The following ARAP2 variants were observed in gnomAD, a reference collection of about 807,000 sequenced individuals.
ARAP2 encodes the protein arf-GAP with Rho-GAP domain, ANK repeat and PH domain-containing protein 2.
A neutral mutation model predicts 194.5 loss-of-function variants in ARAP2; 148 were observed. The observed-to-expected ratio is 0.76, with a 90% confidence interval of 0.67 to 0.87. The LOEUF is 0.87. Ranked by LOEUF, ARAP2 falls within the 40% of genes least tolerant of loss-of-function variation. ARAP2 has a pLI of 0.00. For synonymous variants in ARAP2, 695 were observed against 683.5 expected, an observed-to-expected ratio of 1.02 and a Z score of -0.26; for missense variants, 2,128 against 1,989.7, an observed-to-expected ratio of 1.07 and a Z score of -1.32.
chr4:36,228,953 T>C lies in ARAP2; in HGVS notation c.534A>G (p.Ile178Met). The stretch of plus-strand genomic sequence containing the variant: ...CAGTCTTCTTTGTAATCAATGATTC[T>C]ATTTTAATATTGTCACTACCAAATA... ...DSLFGSDNIK[I>M]ESLITKKTVD... is the part of the protein sequence containing the mutation. Residue 178 changes from isoleucine (I) to methionine (M), a missense_variant, in exon 2 of 33, where the codon ATA (isoleucine) becomes ATG (methionine). Ile to Met is a conservative substitution (Grantham distance 10). Transcript: ENST00000303965. 1.9e-6 allele frequency: 3 copies of C among 1,614,116 alleles called. No individual in the cohort carries two copies. Among genetic ancestry groups the C allele is most frequent in the South Asian group, 2.2e-5 (2 of 91,078 alleles).
chr4:36,175,678 C>T (rs1351431086), intron 9 of ARAP2, among the ~76,000 whole-genome samples: 9 of 151,912 alleles, frequency 5.9e-5, no homozygotes, highest in Non-Finnish European at 1.3e-4. Context: ...TGTACGTTAA[C>T]GCATAGAAAA....
intron 3 of ARAP2, chr4:36,047,233 C>T (rs1560317244): frequency 2.0e-5 from 3 of 152,272 alleles, no homozygotes; most frequent in African/African-American, 7.2e-5. Flanking sequence ...ACACTCCAAA[C>T]AAAAACAGCT....
chr4:36,186,788 A>T (rs1027482402), intron 8 of ARAP2, among the ~76,000 whole-genome samples: 3 of 152,364 alleles, frequency 2.0e-5, no homozygotes, highest in Non-Finnish European at 4.4e-5. Context: ...ATGAGAGTCT[A>T]ATGCCTGACA....
chr4:36,166,694 A>G (rs892199757), intron 10 of ARAP2, among the ~76,000 whole-genome samples: 16 of 152,004 alleles, frequency 1.1e-4, no homozygotes, highest in African/African-American at 3.9e-4. Context: ...AGTAAGAAAA[A>G]TAAGTATTAA....
chr4:36,182,998 C>T lies in ARAP2; in HGVS notation c.1678+4453G>A, dbSNP rs112305487. Among the ~76,000 whole-genome samples the T allele has an allele frequency of 9.4e-3, 1,430 of 152,204 alleles. 10 individuals are homozygous for T. Among genetic ancestry groups the T allele is most frequent in the Non-Finnish European group, 0.014 (939 of 67,996 alleles). ...ATCAGTCACCCTAAAACCAAGAGAT[C>T]GCCTTTAAAACCAGACTTGGGGCCC... On this transcript the variant is annotated intron_variant, in intron 8 of 32. Transcript: ENST00000303965.
At chr4:36,176,343 A>T (rs544856998) in intron 9 of ARAP2, among the ~76,000 whole-genome samples, 58 of 152,294 alleles carry the variant, frequency 3.8e-4, no homozygotes, top group African/African-American at 1.2e-3. Flanking sequence ...TTCACACTCA[A>T]TTCCTAATAC....
Position 36,212,017 on chromosome 4 carries a change from G to T in ARAP2, c.1133+379C>A, listed in dbSNP as rs1364424934. ...GCCAGTGCTGAAACTCCAATAAAAA[G>T]AATATATTATACTTGTAAAAGTCTG... On this transcript the variant is annotated intron_variant, in intron 5 of 32. Transcript: ENST00000303965. 3.3e-5 allele frequency among the ~76,000 whole-genome samples: 5 copies of T among 151,970 alleles called. No homozygotes were observed. The East Asian group carries it at 9.6e-4, about 29-fold the overall frequency.
At chr4:36,079,538 G>A (rs142879697) in intron 31 of ARAP2, among the ~76,000 whole-genome samples, 1 of 152,196 alleles carries the variant, frequency 6.6e-6, no homozygotes, top group East Asian at 1.9e-4. Flanking sequence ...GACAAGGTTG[G>A]GAAACAAACC....
intron 14 of ARAP2, 52 bp downstream of exon 14, chr4:36,159,279 C>G (rs1733355197): frequency 7.2e-7 from 1 of 1,394,198 alleles, no homozygotes; most frequent in East Asian, 2.6e-5. Flanking sequence ...TGCTTCAGTC[C>G]TTTTACGGAT....
intron 22 of ARAP2, among the ~76,000 whole-genome samples, 184 bp downstream of exon 22, chr4:36,124,678 T>C (rs1723455604): frequency 6.6e-6 from 1 of 151,930 alleles, no homozygotes; most frequent in African/African-American, 2.4e-5. Context: ...TTGAGGACAC[T>C]GTATACAATT....
At chr4:36,020,319 G>C (rs1716689877) in intron 5 of ARAP2, among the ~76,000 whole-genome samples, 3 of 152,208 alleles carry the variant, frequency 2.0e-5, no homozygotes, top group Non-Finnish European at 2.9e-5. Flanking sequence ...GCTGAGGCAG[G>C]AGAATTGCTT....
chr4:36,114,218 T>A lies in ARAP2; in HGVS notation c.4108A>T (p.Lys1370Ter). The part of the protein sequence containing the change: ...ILAIKNIIPT[K>*]GDIWATFEVI... Reference sequence around the variant, plus strand: ...TCAAATGTGGCCCAAATATCACCTTTTGTAGGAATAATATTTTTTATCGCT... The same window carrying A: ...TCAAATGTGGCCCAAATATCACCTTATGTAGGAATAATATTTTTTATCGCT... The change falls in exon 26 of 33, where the codon AAA becomes TAA. Residue 1370 changes from lysine (K) to a stop codon, truncating the protein, a stop_gained. Transcript: ENST00000303965. LOFTEE classifies it high-confidence loss of function. 6.2e-7 allele frequency: 1 copy of A among 1,603,928 alleles called. No individual in the cohort carries two copies. Among genetic ancestry groups the A allele is most frequent in the East Asian group, 2.2e-5 (1 of 44,586 alleles).
exon 8 of ARAP2, chr4:36,015,549 T>C (rs932975812): frequency 6.6e-6 from 1 of 152,250 alleles, no homozygotes; most frequent in African/African-American, 2.4e-5. Flanking sequence ...CATTTTCTTC[T>C]TCACAAGTTA....
At chr4:36,187,919 C>G (rs2109894118) in intron 7 of ARAP2, among the ~76,000 whole-genome samples, 1 of 152,300 alleles carries the variant, frequency 6.6e-6, no homozygotes, top group East Asian at 1.9e-4. Context: ...ATGGTGTTTG[C>G]AGGCATCTGC....
intron 10 of ARAP2, chr4:36,006,546 G>A (rs908740968): frequency 2.0e-5 from 3 of 151,950 alleles, no homozygotes; most frequent in Non-Finnish European, 2.9e-5. Context: ...TAAATCACAG[G>A]GTGTTACAAT....
intron 6 of ARAP2, among the ~76,000 whole-genome samples, chr4:36,199,914 A>G (rs1486891728): frequency 6.6e-6 from 1 of 152,224 alleles, no homozygotes; most frequent in Non-Finnish European, 1.5e-5. Context: ...TTCACAATAT[A>G]TAGGGATATC....
chr4:36,128,508 C>CACACACACA, intron 21 of ARAP2, 25 bp downstream of exon 21: 20 of 771,200 alleles, frequency 2.6e-5, no homozygotes, highest in Non-Finnish European at 3.4e-5. Flanking sequence ...ACACACATAT[C>CACACACACA]TACAAATATC....
In ARAP2 at chr4:36,148,422, T is replaced by C. The variant is rs1288460298; in HGVS notation, c.2983A>G (p.Thr995Ala). 3.1e-6 allele frequency: 5 copies of C among 1,612,698 alleles called. No homozygotes were observed. The highest frequency in any genetic ancestry group is 4.2e-6 in the Non-Finnish European group (5 of 1,179,138). The part of the protein sequence containing the change: ...AETSQAQRKW[T>A]EAIAKHFVPL... ...TTAAATACCTTGGCTATTGCCTCTGTCCATTTTCTTTGAGCTTGAGATGTT... is the reference window on the plus strand; with the variant it reads ...TTAAATACCTTGGCTATTGCCTCTGCCCATTTTCTTTGAGCTTGAGATGTT... The change falls in exon 17 of 33, where the codon ACA becomes GCA. Residue 995 changes from threonine to alanine, a missense_variant. Thr to Ala is a moderately conservative substitution (Grantham distance 58, BLOSUM62 0). Transcript: ENST00000303965.
chr4:36,218,225 T>C (rs369189636), intron 2 of ARAP2, among the ~76,000 whole-genome samples: 83 of 151,772 alleles, frequency 5.5e-4, no homozygotes, highest in African/African-American at 1.9e-3. Flanking sequence ...GAACAGAAAA[T>C]TGAATAGCAC....
Sources: allele counts gnomAD v4.1 joint callset (sites outside exome capture counted in the v4.1 genomes callset), GRCh38; gene constraint gnomAD v4.1.1; transcripts MANE v1.5; gene names NCBI Gene and HGNC (gene_info 2026-07-23, HGNC 2026-07-21).